Variants in PROCA1 observed in about 807,000 individuals in gnomAD.
PROCA1 encodes protein interacting with cyclin A1.
A neutral mutation model predicts 23.2 loss-of-function variants in PROCA1; 22 were observed. The ratio of observed to expected loss-of-function variants is 0.95; its 90% CI spans 0.68 to 1.35. The LOEUF is 1.35. PROCA1 is among the 40% of genes most tolerant of loss of function. PROCA1 has a pLI of 0.00. For synonymous variants in PROCA1, 182 were observed against 179.2 expected, an observed-to-expected ratio of 1.02 and a Z score of -0.12; for missense variants, 469 against 459.8, an observed-to-expected ratio of 1.02 and a Z score of -0.18.
In PROCA1 at chr17:28,704,408, G is replaced by C. The variant is rs1442890192; in HGVS notation, c.339C>G (p.Ser113Arg). ...AGGTTGGGCCCGCGCCCCGGGAGCT[G>C]CTGCTATCCTCTGAAGAGTCCTTCA... ...SRLKDSSEDS[S>R]SSRGAGPTCS... Residue 113 changes from serine to arginine, a missense_variant, in exon 4 of 5, where the codon AGC becomes AGG. Transcript: ENST00000682792. 6.2e-7 allele frequency: 1 copy of C among 1,613,700 alleles called. No homozygotes were observed. Among genetic ancestry groups the C allele is most frequent in the Non-Finnish European group, 8.5e-7 (1 of 1,179,978 alleles).
chr17:28,711,016 A>AGGAGTAGGGCGGGAAGGGAGGGAG (rs1309430303), intron 1 of PROCA1: 3 of 1,211,648 alleles, frequency 2.5e-6, no homozygotes, highest in South Asian at 1.4e-5. Context: ...AAGGGAGGGA[A>AGGAGTAGGGCGGGAAGGGAGGGAG]GAAACTAGGA....
At chr17:28,705,048 C>A (rs2032397610) in intron 2 of PROCA1, 4 of 553,378 alleles carry the variant, frequency 7.2e-6, no homozygotes, top group African/African-American at 3.8e-5. Context: ...ACACAGGAGA[C>A]CCTTATCAAG....
At chr17:28,704,631 C>G (rs1411213268) in intron 3 of PROCA1, 77 bp downstream of exon 3, 1 of 1,589,924 alleles carries the variant, frequency 6.3e-7, no homozygotes, top group South Asian at 1.2e-5. Flanking sequence ...AGAGGCAAAC[C>G]AAAGGTTGAA....
intron 1 of PROCA1, among the ~76,000 whole-genome samples, chr17:28,709,655 T>A (rs1176152784): frequency 6.6e-6 from 1 of 151,132 alleles, no homozygotes; most frequent in Non-Finnish European, 1.5e-5. Flanking sequence ...GGCGACAGAG[T>A]GAGATTCTGT....
At chr17:28,706,840 A>C in intron 1 of PROCA1, 77 bp from the exon 2 acceptor site, 1 of 1,282,814 alleles carries the variant, frequency 7.8e-7, no homozygotes, top group Non-Finnish European at 1.0e-6. Context: ...ACCCCGAGAA[A>C]CTCCACATGT....
rs2032490752 is a variant in PROCA1, at chr17:28,706,714, C to T, written c.141G>A (p.Val47=). ...AGGTAGACACATCAGTGCTGGACGC[C>T]ACACCAGCCAGCAGATGTCCTCTCT... ...SWERGHLLAG[V]ASSTDVSTFS... The change falls in exon 2 of 5, where the codon GTG becomes GTA. Residue 47 remains valine, a synonymous_variant. Coordinates refer to ENST00000682792, the MANE Select transcript of PROCA1 (RefSeq NM_001366301.1). The T allele has an allele frequency of 7.7e-7, 1 of 1,303,620 alleles. No homozygotes were observed. Among genetic ancestry groups the T allele is most frequent in the Non-Finnish European group, 1.0e-6 (1 of 988,854 alleles). The allele number at this position is 1,303,620 out of a possible 1,614,324, so 80.8% of individuals were successfully genotyped here. A position where few individuals can be genotyped will look rare whatever the true frequency, so the allele number is the denominator to read the frequency against.
intron 1 of PROCA1, chr17:28,711,237 C>T (rs904726123): frequency 2.1e-6 from 2 of 951,346 alleles, no homozygotes; most frequent in East Asian, 4.7e-5. Flanking sequence ...CCAAGGCCGG[C>T]GCTTCAAGGG....
At chr17:28,711,530 G>T in intron 1 of PROCA1, 40 bp downstream of exon 1, 1 of 1,542,558 alleles carries the variant, frequency 6.5e-7, no homozygotes. Flanking sequence ...CTGCGAGCCG[G>T]GCCGCGCCCT....
At chr17:28,706,575 A>G (rs1456144097) in intron 2 of PROCA1, 105 bp downstream of exon 2, 1 of 793,490 alleles carries the variant, frequency 1.3e-6, no homozygotes, top group East Asian at 6.5e-5. Flanking sequence ...CTTCAGGACC[A>G]CACTTCCCTC....
intron 1 of PROCA1, among the ~76,000 whole-genome samples, chr17:28,710,323 C>T (rs191810188): frequency 6.6e-6 from 1 of 151,876 alleles, no homozygotes; most frequent in East Asian, 1.9e-4. Flanking sequence ...ATGGTGAAAC[C>T]CCGTCTCTAC....
chr17:28,705,243 A>G, intron 2 of PROCA1: 1 of 201,918 alleles, frequency 5.0e-6, no homozygotes, highest in Non-Finnish European at 1.0e-5. Flanking sequence ...GCAGAGCCGC[A>G]GCATCCTCAG....
At chr17:28,708,736 A>AAAAAAAAAAAAAAC in intron 1 of PROCA1, among the ~76,000 whole-genome samples, 1 of 151,876 alleles carries the variant, frequency 6.6e-6, no homozygotes, top group African/African-American at 2.4e-5. Flanking sequence ...AAAAGGAAAA[A>AAAAAAAAAAAAAAC]AAAAAAAAAA....
In PROCA1 at chr17:28,704,028, G is replaced by C; in HGVS notation, c.625C>G (p.Pro209Ala). 6.2e-7 allele frequency: 1 copy of C among 1,610,938 alleles called. No homozygotes were observed. ...DLGTSMATGTPDSTAPITIWR... is the reference protein window; with the variant it reads ...DLGTSMATGTADSTAPITIWR... ...ATGGTGATGGGCGCTGTGGAGTCAG[G>C]GGTACCAGTGGCCATGCTGGTGCCT... The change falls in exon 5 of 5, where the codon CCT (proline) becomes GCT (alanine). Residue 209 changes from proline to alanine, a missense_variant. Transcript: ENST00000682792.
chr17:28,710,018 AC>A (rs2032706119), intron 1 of PROCA1, among the ~76,000 whole-genome samples: 1 of 151,928 alleles, frequency 6.6e-6, no homozygotes, highest in Non-Finnish European at 1.5e-5. Context: ...TTTTTGAGGC[AC>A]AGTCACTTCC....
rs1443503191 is a variant in PROCA1, at chr17:28,703,356, T to A, written c.*202A>T. ...CCTTGTCCTAGCAGGTAGGAAGAAATAGGGCTGTGCCCCTTCCTTTCCCTC... is the reference window on the plus strand; with the variant it reads ...CCTTGTCCTAGCAGGTAGGAAGAAAAAGGGCTGTGCCCCTTCCTTTCCCTC... On this transcript the variant is annotated 3_prime_UTR_variant, in exon 5 of 5. Transcript: ENST00000682792. 7 of 601,234 alleles carry A rather than the reference T, an allele frequency of 1.2e-5. No individual in the cohort carries two copies. The highest frequency in any genetic ancestry group is 1.9e-5 in the African/African-American group (1 of 53,896). The allele number at this position is 601,234 out of a possible 1,614,324, so 37.2% of individuals were successfully genotyped here. A position where few individuals can be genotyped will look rare whatever the true frequency, so the allele number is the denominator to read the frequency against.
At chr17:28,708,102 C>T (rs2032608149) in intron 1 of PROCA1, among the ~76,000 whole-genome samples, 4 of 152,068 alleles carry the variant, frequency 2.6e-5, no homozygotes, top group African/African-American at 7.2e-5. Flanking sequence ...CTCCGCCTCC[C>T]GGGTTCAAGC....
intron 1 of PROCA1, among the ~76,000 whole-genome samples, chr17:28,708,735 A>AAAAAAAAAAAAAC (rs1366887318): frequency 4.0e-5 from 6 of 151,836 alleles, no homozygotes; most frequent in Admixed American, 6.6e-5. Context: ...AAAAAGGAAA[A>AAAAAAAAAAAAAC]AAAAAAAAAA....
intron 3 of PROCA1, 78 bp downstream of exon 3, chr17:28,704,630 C>T (rs1468687767): frequency 6.3e-7 from 1 of 1,589,338 alleles, no homozygotes; most frequent in Non-Finnish European, 8.6e-7. Context: ...AAGAGGCAAA[C>T]CAAAGGTTGA....
intron 1 of PROCA1, 60 bp downstream of exon 1, chr17:28,711,510 C>T (rs1441656442): frequency 2.8e-6 from 4 of 1,424,996 alleles, no homozygotes; most frequent in Non-Finnish European, 2.9e-6. Context: ...CCGCGTGCGC[C>T]GCTCGGGGTC....
Sources: gnomAD v4.1 joint callset for allele counts (sites outside exome capture counted in the v4.1 genomes callset) on GRCh38, gnomAD v4.1.1 for gene constraint, MANE v1.5 for transcripts, NCBI Gene and HGNC (gene_info 2026-07-23, HGNC 2026-07-21) for gene names.